The following DNM3 variants were observed in gnomAD, a reference collection of about 807,000 sequenced individuals.
The protein encoded by DNM3 is dynamin-3.
A neutral mutation model predicts 101.6 loss-of-function variants in DNM3; 47 were observed. That is an observed-to-expected ratio of 0.46 (90% confidence interval 0.37 to 0.59). The LOEUF (loss-of-function observed/expected upper bound fraction) is 0.59, where lower values mean the gene tolerates loss of function less well. Among genes scored for constraint, DNM3 ranks in the 20% least tolerant of loss-of-function variants. The pLI is 0.00. For synonymous variants in DNM3, 385 were observed against 387.9 expected (o/e 0.99, Z 0.09); for missense variants, 849 against 1,085.7 (o/e 0.78, Z 3.06).
chr1:172,301,791 C>CATGACACAAGATAATAGAGAACTA (rs2064463550), intron 15 of DNM3, among the ~76,000 whole-genome samples: 1 of 151,890 alleles, frequency 6.6e-6, no homozygotes, highest in Non-Finnish European at 1.5e-5. Flanking sequence ...AGTGAAAAAG[C>CATGACACAAGATAATAGAGAACTA]ATGACACAAG....
At chr1:171,919,630 G>A (rs2039998081) in intron 1 of DNM3, among the ~76,000 whole-genome samples, 1 of 152,108 alleles carries the variant, frequency 6.6e-6, no homozygotes. Flanking sequence ...ACAAAACAAA[G>A]TAGATGCTTT....
At chr1:171,978,520 C>T (rs1385157950) in intron 2 of DNM3, among the ~76,000 whole-genome samples, 1 of 152,082 alleles carries the variant, frequency 6.6e-6, no homozygotes, top group Non-Finnish European at 1.5e-5. Context: ...AGAGATGGCA[C>T]TGGAGGCAGA....
chr1:171,969,338 TA>T (rs1041455765), intron 2 of DNM3, among the ~76,000 whole-genome samples: 9 of 152,182 alleles, frequency 5.9e-5, no homozygotes, highest in Admixed American at 5.2e-4. Context: ...AATTGGTTTT[TA>T]GGGGGAATGA....
chr1:172,289,008 C>G (rs1309020194), intron 15 of DNM3, among the ~76,000 whole-genome samples: 1 of 151,982 alleles, frequency 6.6e-6, no homozygotes, highest in Admixed American at 6.6e-5. Flanking sequence ...TTAGGAGTTT[C>G]ACATTTCTAT....
chr1:172,148,570 C>T (rs1039994140), intron 14 of DNM3, among the ~76,000 whole-genome samples: 1 of 152,004 alleles, frequency 6.6e-6, no homozygotes, highest in African/African-American at 2.4e-5. Flanking sequence ...TATTTTTGGC[C>T]TTCTAATGTT....
chr1:172,181,902 G>GT (rs1447943711), intron 14 of DNM3, among the ~76,000 whole-genome samples: 3 of 151,052 alleles, frequency 2.0e-5, no homozygotes, highest in Non-Finnish European at 4.4e-5. Context: ...CCATAATTCT[G>GT]TGTGTTCTTG....
intron 16 of DNM3, among the ~76,000 whole-genome samples, chr1:172,315,510 T>C (rs972344986): frequency 8.5e-5 from 13 of 152,058 alleles, no homozygotes; most frequent in Non-Finnish European, 1.8e-4. Flanking sequence ...GACAAATGTA[T>C]AACTAGAATA....
intron 14 of DNM3, among the ~76,000 whole-genome samples, chr1:172,161,541 A>T (rs1461358927): frequency 6.6e-6 from 1 of 151,824 alleles, no homozygotes; most frequent in African/African-American, 2.4e-5. Flanking sequence ...ATGAGACATG[A>T]CTCCATTTAA....
rs371054933 is a variant in DNM3 at position 172,042,274 on chromosome 1, G to T, written c.1128+130G>T. 138 of 856,432 alleles carry T rather than the reference G, an allele frequency of 1.6e-4. No individual in the cohort carries two copies. In the African/African-American group the frequency reaches 2.2e-3, roughly 14 times the overall value. 53.1% of individuals were successfully genotyped at this position (856,432 alleles called of 1,614,324 possible). ...CTTTGAACAAAACCTCCATATTCAG[G>T]TAATGAAATTCAGGAGAGGAATATG... On this transcript the variant is annotated intron_variant, in intron 8 of 20. Transcript: ENST00000627582.
chr1:172,390,719 A>G (rs1394592038), intron 20 of DNM3, among the ~76,000 whole-genome samples: 2 of 152,256 alleles, frequency 1.3e-5, no homozygotes, highest in Non-Finnish European at 2.9e-5. Context: ...ATTATTTTAG[A>G]AAACCTCAAA....
chr1:171,888,262 C>CCTTG (rs2036954652), intron 1 of DNM3, among the ~76,000 whole-genome samples: 1 of 151,880 alleles, frequency 6.6e-6, no homozygotes, highest in Admixed American at 6.6e-5. Flanking sequence ...CAAGGCTATA[C>CCTTG]AGTTAAAGGA....
chr1:172,103,940 G>A (rs544782175), intron 13 of DNM3, among the ~76,000 whole-genome samples: 2 of 152,338 alleles, frequency 1.3e-5, no homozygotes, highest in African/African-American at 4.8e-5. Context: ...GTTGGAGGTT[G>A]CAGTGAGCCC....
At chr1:172,036,112 G>A (rs543398901) in intron 6 of DNM3, among the ~76,000 whole-genome samples, 72 of 146,630 alleles carry the variant, frequency 4.9e-4, no homozygotes, top group Non-Finnish European at 8.5e-4. Context: ...CCATTAACTC[G>A]TCATTTAGCA....
At chr1:171,954,288 G>A (rs1206469032) in intron 2 of DNM3, among the ~76,000 whole-genome samples, 1 of 152,146 alleles carries the variant, frequency 6.6e-6, no homozygotes, top group Non-Finnish European at 1.5e-5. Context: ...TTCCAGCCTG[G>A]TGAGATAATT....
At chr1:172,038,189 G>A (rs971936803) in intron 6 of DNM3, 130 bp from the exon 7 acceptor site, 1 of 1,179,886 alleles carries the variant, frequency 8.5e-7, no homozygotes, top group African/African-American at 1.6e-5. Flanking sequence ...AATGTCAAAT[G>A]CAGACATAAT....
chr1:172,239,848 A>T (rs531143731), intron 14 of DNM3, among the ~76,000 whole-genome samples: 82 of 108,826 alleles, frequency 7.5e-4, no homozygotes, highest in Non-Finnish European at 1.3e-3. Context: ...AGGCATGATT[A>T]GGATTGATGG....
intron 17 of DNM3, chr1:172,370,247 AT>A (rs1347668375): frequency 1.3e-5 from 2 of 151,954 alleles, no homozygotes; most frequent in Non-Finnish European, 1.5e-5. Flanking sequence ...TGTGGCTTGC[AT>A]TATACTTCAA....
chr1:172,177,869 C>G (rs1471384242), intron 14 of DNM3, among the ~76,000 whole-genome samples: 3 of 151,750 alleles, frequency 2.0e-5, no homozygotes, highest in Non-Finnish European at 2.9e-5. Context: ...GTGGTAAATA[C>G]TATATTTTAT....
At chr1:171,951,109 T>C (rs2042496657) in intron 2 of DNM3, among the ~76,000 whole-genome samples, 1 of 152,320 alleles carries the variant, frequency 6.6e-6, no homozygotes, top group East Asian at 1.9e-4. Flanking sequence ...CTAAATTCTC[T>C]TTAAGATATT....
Sources: allele counts gnomAD v4.1 joint callset (sites outside exome capture counted in the v4.1 genomes callset), GRCh38; gene constraint gnomAD v4.1.1; transcripts MANE v1.5; gene names NCBI Gene and HGNC (gene_info 2026-07-23, HGNC 2026-07-21).